The following MECOM variants were observed in gnomAD, a reference collection of about 807,000 sequenced individuals.
The protein encoded by MECOM is MDS1 and EVI1 complex locus.
A neutral mutation model predicts 116.3 loss-of-function variants in MECOM; 13 were observed. The observed-to-expected ratio is 0.11, with a 90% CI of 0.07 to 0.18. The LOEUF (loss-of-function observed/expected upper bound fraction) is 0.18, where lower values mean the gene tolerates loss of function less well. MECOM is among the 10% of genes least tolerant of loss of function. The pLI is 1.00. For missense variants in MECOM, 1,299 were observed against 1,509.0 expected (o/e 0.86, Z 2.31); for synonymous variants, 528 against 535.2 (o/e 0.99, Z 0.19).
At chr3:169,217,657 A>T (rs183050060) in intron 2 of MECOM, among the ~76,000 whole-genome samples, 1 of 151,946 alleles carries the variant, frequency 6.6e-6, no homozygotes, top group Non-Finnish European at 1.5e-5. Context: ...TGTGGCACGT[A>T]CCTGTAATCC....
intron 1 of MECOM, among the ~76,000 whole-genome samples, chr3:169,584,736 T>A (rs1765583595): frequency 6.6e-6 from 1 of 152,168 alleles, no homozygotes. Context: ...CAAGTGAGTA[T>A]GACATTTGGC....
Position 169,131,461 on chromosome 3 carries a change from T to C in MECOM, c.581A>G (p.Tyr194Cys), listed in dbSNP as rs765731841. 6.2e-6 allele frequency: 10 copies of C among 1,614,046 alleles called. No homozygotes were observed. Among genetic ancestry groups the C allele is most frequent in the African/African-American group, 1.3e-5 (1 of 75,028 alleles). ...ELLLFMKSED[Y>C]PHETMAPDIH... ...ATCCGGCGCCATAGTTTCATGGGGATAGTCTTCGCTCTTCATGAACAGCAG... is the reference window on the plus strand; with the variant it reads ...ATCCGGCGCCATAGTTTCATGGGGACAGTCTTCGCTCTTCATGAACAGCAG... The change falls in exon 4 of 17, where the codon TAT (tyrosine) becomes TGT (cysteine). Residue 194 changes from tyrosine (Y) to cysteine (C), a missense_variant. Transcript: ENST00000651503.
intron 2 of MECOM, among the ~76,000 whole-genome samples, chr3:169,308,015 T>C (rs1182703231): frequency 6.6e-6 from 1 of 152,230 alleles, no homozygotes; most frequent in Non-Finnish European, 1.5e-5. Context: ...TTTACTTTAG[T>C]TAGGTTACTC....
chr3:169,216,870 G>A (rs187598209), intron 2 of MECOM, among the ~76,000 whole-genome samples: 14 of 151,384 alleles, frequency 9.2e-5, no homozygotes, highest in East Asian at 1.9e-4. Flanking sequence ...AAACAAAAAC[G>A]CACATTAAGC....
In MECOM at chr3:169,121,088, T is replaced by C; in HGVS notation, c.1100A>G (p.Lys367Arg). The C allele has an allele frequency of 6.2e-7, 1 of 1,613,450 alleles. No individual in the cohort carries two copies. The highest frequency in any genetic ancestry group is 8.5e-7 in the Non-Finnish European group (1 of 1,179,664). The change falls in exon 7 of 17, where the codon AAG becomes AGG. Residue 367 changes from lysine to arginine, a missense_variant. Around this residue, in one of 6 missense-constraint regions of MECOM, gnomAD observed 42 missense variants for 103.9 expected, o/e 0.40. Coordinates refer to ENST00000651503, the MANE Select transcript of MECOM (RefSeq NM_004991.4). ...FATSSGLKQH[K>R]HIHSSVKPFI... ...GGGCTTCACACTGCTGTGGATGTGC[T>C]TGTGTTGTTTGAGGCCCGACGAAGT... is the stretch of plus-strand genomic sequence containing the variant.
intron 1 of MECOM, among the ~76,000 whole-genome samples, chr3:169,509,177 C>T (rs1442160875): frequency 6.6e-6 from 1 of 152,140 alleles, no homozygotes; most frequent in Non-Finnish European, 1.5e-5. Context: ...AAGTGAATGG[C>T]CCATTTGTCA....
intron 1 of MECOM, among the ~76,000 whole-genome samples, chr3:169,641,663 G>C (rs1271415189): frequency 6.6e-6 from 1 of 152,154 alleles, no homozygotes; most frequent in Non-Finnish European, 1.5e-5. Context: ...CAATGTATTA[G>C]CTCATTTGAA....
intron 1 of MECOM, chr3:169,483,651 AT>A: frequency 6.7e-7 from 1 of 1,490,514 alleles, no homozygotes; most frequent in Non-Finnish European, 9.1e-7. Context: ...CTCATACAAA[AT>A]TTTCCAGATA....
Position 169,630,452 on chromosome 3 carries a change from TAA to T in MECOM, c.37+32882_37+32883del, listed in dbSNP as rs71166258. On this transcript the variant is annotated intron_variant, in intron 1 of 16. Coordinates refer to ENST00000651503, the MANE Select transcript of MECOM (RefSeq NM_004991.4). Reference sequence around the variant, plus strand: ...GAAATTCTGCCCCCAAATTTATTCTTAAAAAAAAAAAAAAAAAAAGACAGAGT... The same window carrying T: ...GAAATTCTGCCCCCAAATTTATTCTTAAAAAAAAAAAAAAAAAGACAGAGT... Among the ~76,000 whole-genome samples, 739 of 131,298 alleles carry T rather than the reference TAA, an allele frequency of 5.6e-3. 10 individuals carry two copies. The highest frequency in any genetic ancestry group is 0.031 in the Admixed American group (409 of 12,994). 86.1% of individuals were successfully genotyped at this position (131,298 alleles called of 152,430 possible).
chr3:169,347,072 G>T (rs910224660), intron 2 of MECOM, among the ~76,000 whole-genome samples: 1 of 152,022 alleles, frequency 6.6e-6, no homozygotes, highest in African/African-American at 2.4e-5. Flanking sequence ...GATATGGAAT[G>T]ATCAGCAAGA....
chr3:169,296,954 T>C (rs544959846), intron 2 of MECOM, among the ~76,000 whole-genome samples: 9 of 152,326 alleles, frequency 5.9e-5, no homozygotes, highest in Admixed American at 2.6e-4. Context: ...AATTGTTAGA[T>C]GTCACCATTG....
chr3:169,094,958 A>T, intron 13 of MECOM, 118 bp downstream of exon 13: 1 of 885,962 alleles, frequency 1.1e-6, no homozygotes, highest in Non-Finnish European at 1.6e-6. Flanking sequence ...GAATTTTTAC[A>T]ATAAGACCTG....
chr3:169,500,619 C>A (rs1475376022), intron 1 of MECOM, among the ~76,000 whole-genome samples: 2 of 151,766 alleles, frequency 1.3e-5, no homozygotes, highest in Non-Finnish European at 3.0e-5. Context: ...CTTTATCAGG[C>A]AAAAACAAAT....
In MECOM at chr3:169,472,074, G is replaced by A. The variant is rs191085565; in HGVS notation, c.38-90550C>T. 2.0e-5 allele frequency among the ~76,000 whole-genome samples: 3 copies of A among 152,002 alleles called. No individual in the cohort carries two copies. In the East Asian group the frequency reaches 5.8e-4, roughly 29 times the overall value. ...CCTAAGAGTGTTTCTCTCAAAGAAA[G>A]GATAAGTGCTTGAGGTGATGGATAC... On this transcript the variant is annotated intron_variant, in intron 1 of 16. Transcript: ENST00000651503.
intron 1 of MECOM, among the ~76,000 whole-genome samples, chr3:169,409,562 A>G (rs16853670): frequency 0.043 from 6,563 of 152,294 alleles, 444 homozygotes; most frequent in Admixed American, 0.19. Flanking sequence ...ATATTTCAAG[A>G]TTCTGCCTGC....
At chr3:169,109,227 T>G (rs773746693) in intron 9 of MECOM, among the ~76,000 whole-genome samples, 2 of 152,172 alleles carry the variant, frequency 1.3e-5, no homozygotes, top group African/African-American at 4.8e-5. Flanking sequence ...CAATCACATA[T>G]GCAGGGGAAG....
intron 1 of MECOM, among the ~76,000 whole-genome samples, chr3:169,419,541 AC>A (rs1739340752): frequency 6.6e-6 from 1 of 152,220 alleles, no homozygotes; most frequent in African/African-American, 2.4e-5. Context: ...CAGTGGCAAA[AC>A]AGATATACAG....
intron 1 of MECOM, among the ~76,000 whole-genome samples, chr3:169,658,933 G>A (rs985141224): frequency 6.6e-6 from 1 of 152,136 alleles, no homozygotes; most frequent in African/African-American, 2.4e-5. Flanking sequence ...CTAGCCCGGG[G>A]AGGAGGGCGT....
rs547609906 is a variant in MECOM, at chr3:169,485,241, C to T, written c.38-103717G>A. ...AACTCCTGACCTCAGGTGATCTAAC[C>T]GCCTCGGCCTCCCAAAGTGCTAGGA... On this transcript the variant is annotated intron_variant, in intron 1 of 16. Transcript: ENST00000651503. Among the ~76,000 whole-genome samples the T allele has an allele frequency of 3.7e-4, 56 of 152,150 alleles. 2 individuals carry two copies. The South Asian group carries it at 1.0e-2, about 27-fold the overall frequency.
Sources: allele counts gnomAD v4.1 joint callset (sites outside exome capture counted in the v4.1 genomes callset), GRCh38; gene constraint gnomAD v4.1.1; regional missense constraint gnomAD v4.1.1; transcripts MANE v1.5; gene names NCBI Gene and HGNC (gene_info 2026-07-23, HGNC 2026-07-21).